The following BMP6 variants were observed in gnomAD, a reference collection of about 807,000 sequenced individuals.
BMP6 encodes VG-1-R.
BMP6 carries 17 observed loss-of-function variants against 54.1 expected under a neutral mutation model. The observed-to-expected ratio is 0.31, with a 90% CI of 0.22 to 0.47. The LOEUF is 0.47. Among genes scored for constraint, BMP6 ranks in the 20% least tolerant of loss-of-function variants. BMP6 has a pLI of 1.00. For synonymous variants in BMP6, 328 were observed against 291.2 expected (o/e 1.13, Z -1.28); for missense variants, 720 against 690.4 (o/e 1.04, Z -0.48).
intron 4 of BMP6, among the ~76,000 whole-genome samples, chr6:7,864,058 A>G (rs1759379475): frequency 6.6e-6 from 1 of 151,518 alleles, no homozygotes; most frequent in Admixed American, 6.6e-5. Flanking sequence ...AGGAAGTGGC[A>G]TGGAAGTCCA....
chr6:7,731,063 C>G (rs141746613), intron 1 of BMP6, among the ~76,000 whole-genome samples: 2 of 152,242 alleles, frequency 1.3e-5, no homozygotes, highest in African/African-American at 4.8e-5. Context: ...TGCTGGTCAT[C>G]CAACCAGCTC....
intron 1 of BMP6, among the ~76,000 whole-genome samples, chr6:7,734,450 AG>A (rs1452247646): frequency 1.3e-5 from 2 of 152,250 alleles, no homozygotes; most frequent in African/African-American, 4.8e-5. Context: ...GCTGTTGGCC[AG>A]GCTGGAGTGG....
At chr6:7,779,194 G>A (rs1387665959) in intron 1 of BMP6, among the ~76,000 whole-genome samples, 1 of 152,220 alleles carries the variant, frequency 6.6e-6, no homozygotes, top group East Asian at 1.9e-4. Flanking sequence ...GGGTGCCCAA[G>A]AAATCCAGTA....
Position 7,880,633 on chromosome 6 carries a change from A to C in BMP6, c.*290A>C, listed in dbSNP as rs1329825215. 16 of 423,796 alleles carry C rather than the reference A, an allele frequency of 3.8e-5. No homozygotes were observed. The highest frequency in any genetic ancestry group is 6.7e-5 in the South Asian group (2 of 29,862). The allele number at this position is 423,796 out of a possible 1,614,324, so 26.3% of individuals were successfully genotyped here. A position where few individuals can be genotyped will look rare whatever the true frequency, so the allele number is the denominator to read the frequency against. On this transcript the variant is annotated 3_prime_UTR_variant, in exon 7 of 7. Transcript: ENST00000283147. ...GAAGCTCTTCCTACCCTCCTCCCCCAAAAACCCACCAAAATTAGTTTTAGC... is the reference window on the plus strand; with the variant it reads ...GAAGCTCTTCCTACCCTCCTCCCCCCAAAACCCACCAAAATTAGTTTTAGC...
intron 1 of BMP6, among the ~76,000 whole-genome samples, chr6:7,741,614 G>A (rs1003087642): frequency 2.7e-5 from 4 of 150,110 alleles, no homozygotes; most frequent in Non-Finnish European, 4.4e-5. Flanking sequence ...TTAATTTTTT[G>A]TAGAGATGGG....
At chr6:7,844,244 AT>A (rs1179593475) in intron 1 of BMP6, among the ~76,000 whole-genome samples, 1 of 152,132 alleles carries the variant, frequency 6.6e-6, no homozygotes, top group African/African-American at 2.4e-5. Flanking sequence ...CCAAATACAA[AT>A]GCATTTATGC....
chr6:7,793,301 T>C (rs1758138954), intron 1 of BMP6, among the ~76,000 whole-genome samples: 1 of 150,902 alleles, frequency 6.6e-6, no homozygotes, highest in South Asian at 2.1e-4. Context: ...TAGTTCCAAC[T>C]GTACGACATT....
intron 4 of BMP6, among the ~76,000 whole-genome samples, chr6:7,864,551 G>T (rs866496810): frequency 1.3e-5 from 2 of 152,272 alleles, no homozygotes; most frequent in Middle Eastern, 3.4e-3. Context: ...ATTTTTGGTG[G>T]CCAAACATGT....
chr6:7,858,034 C>A (rs1220676366), intron 2 of BMP6, among the ~76,000 whole-genome samples: 1 of 152,152 alleles, frequency 6.6e-6, no homozygotes, highest in African/African-American at 2.4e-5. Context: ...CGCCTTCCTG[C>A]ACGCACTCTC....
At chr6:7,762,543 A>G (rs1757628919) in intron 1 of BMP6, among the ~76,000 whole-genome samples, 2 of 152,258 alleles carry the variant, frequency 1.3e-5, no homozygotes, top group Admixed American at 1.3e-4. Context: ...ATACAAATAT[A>G]TAACATATAT....
intron 1 of BMP6, among the ~76,000 whole-genome samples, chr6:7,788,412 CT>C (rs1758048528): frequency 6.6e-6 from 1 of 152,154 alleles, no homozygotes; most frequent in Non-Finnish European, 1.5e-5. Flanking sequence ...CTATTGTGTG[CT>C]GGTACACAAT....
At chr6:7,872,564 A>C (rs1759545401) in intron 4 of BMP6, among the ~76,000 whole-genome samples, 2 of 152,242 alleles carry the variant, frequency 1.3e-5, no homozygotes, top group African/African-American at 4.8e-5. Flanking sequence ...CGCTAAAAGA[A>C]ATAGCTGTTC....
At chr6:7,800,299 T>C (rs1018566868) in intron 1 of BMP6, among the ~76,000 whole-genome samples, 1 of 152,152 alleles carries the variant, frequency 6.6e-6, no homozygotes, top group Non-Finnish European at 1.5e-5. Context: ...AATAGGAGCA[T>C]TCTTTGAACT....
intron 1 of BMP6, among the ~76,000 whole-genome samples, chr6:7,801,725 C>T (rs1758272538): frequency 6.6e-6 from 1 of 152,224 alleles, no homozygotes; most frequent in African/African-American, 2.4e-5. Flanking sequence ...TTGCAGAATG[C>T]AGCATGAACA....
intron 1 of BMP6, among the ~76,000 whole-genome samples, chr6:7,792,690 C>T (rs1288201783): frequency 6.6e-6 from 1 of 152,202 alleles, no homozygotes; most frequent in Non-Finnish European, 1.5e-5. Context: ...AACATTCCAA[C>T]AAGGCAGAGC....
rs185507337 is a variant in BMP6 at position 7,774,156 on chromosome 6, A to C, written c.664+46537A>C. 3.7e-3 allele frequency among the ~76,000 whole-genome samples: 559 copies of C among 152,314 alleles called. 3 individuals are homozygous for C. Among genetic ancestry groups the C allele is most frequent in the African/African-American group, 0.011 (474 of 41,566 alleles). On this transcript the variant is annotated intron_variant, in intron 1 of 6. Coordinates refer to ENST00000283147, the MANE Select transcript of BMP6 (RefSeq NM_001718.6). ...TTTTTCGATGAAGAGAGACACATGG[A>C]ACTCAATCCACGGCAGGGTTTGGGT...
chr6:7,772,635 A>G (rs1027959966), intron 1 of BMP6, among the ~76,000 whole-genome samples: 3 of 152,118 alleles, frequency 2.0e-5, no homozygotes, highest in Admixed American at 6.5e-5. Context: ...AATTATAACC[A>G]AGAGCTGGTT....
chr6:7,735,295 C>T (rs576846353), intron 1 of BMP6, among the ~76,000 whole-genome samples: 1 of 152,316 alleles, frequency 6.6e-6, no homozygotes, highest in South Asian at 2.1e-4. Context: ...AAAAAAAATT[C>T]TGATTTGTGT....
intron 1 of BMP6, among the ~76,000 whole-genome samples, chr6:7,795,818 A>T (rs990610907): frequency 1.3e-5 from 2 of 152,074 alleles, no homozygotes; most frequent in Non-Finnish European, 2.9e-5. Flanking sequence ...AATGGTAGGG[A>T]ATGAGGTGTT....
Sources: gnomAD v4.1 joint callset for allele counts (sites outside exome capture counted in the v4.1 genomes callset) on GRCh38, gnomAD v4.1.1 for gene constraint, MANE v1.5 for transcripts, NCBI Gene and HGNC (gene_info 2026-07-23, HGNC 2026-07-21) for gene names.